TMEM74: variants seen among roughly 807,000 people sequenced by gnomAD.
TMEM74 encodes the protein transmembrane protein 74.
TMEM74 carries 13 observed loss-of-function variants against 18.1 expected under a neutral mutation model. The observed-to-expected ratio is 0.72, with a 90% CI of 0.47 to 1.14. The LOEUF (loss-of-function observed/expected upper bound fraction) is 1.14. Among genes scored for constraint, TMEM74 ranks in the 50% most tolerant of loss-of-function variants. The pLI, the probability that TMEM74 is intolerant of heterozygous loss-of-function variation, is 0.00. For synonymous variants in TMEM74, 159 were observed against 146.6 expected (o/e 1.08, Z -0.61); for missense variants, 372 against 375.9 (o/e 0.99, Z 0.09).
intron 1 of TMEM74, among the ~76,000 whole-genome samples, chr8:108,689,265 T>C (rs1813201578): frequency 6.6e-6 from 1 of 152,168 alleles, no homozygotes; most frequent in Non-Finnish European, 1.5e-5. Context: ...AAATACCAAA[T>C]ACAACATGTG....
intron 2 of TMEM74, among the ~76,000 whole-genome samples, chr8:108,622,299 C>T (rs897279260): frequency 3.3e-5 from 5 of 152,030 alleles, no homozygotes; most frequent in Non-Finnish European, 2.9e-5. Context: ...ATTATCTTAC[C>T]AAGCCTATAG....
intron 1 of TMEM74, among the ~76,000 whole-genome samples, chr8:108,715,277 G>A (rs951781224): frequency 3.9e-5 from 6 of 151,940 alleles, no homozygotes; most frequent in African/African-American, 1.5e-4. Context: ...GGCTACTAGT[G>A]GGAGGAGGGA....
downstream of TMEM74, among the ~76,000 whole-genome samples, chr8:108,777,747 A>C (rs571589531): frequency 3.9e-5 from 6 of 152,278 alleles, no homozygotes; most frequent in South Asian, 1.2e-3. Context: ...CAGTTATTTG[A>C]CATTCTCCAG....
chr8:108,785,130 CG>C lies in TMEM74; in HGVS notation c.-33del. ...TAGTCAGACATCCCCCAGCAGCTTCCGGAAAGTCTGCCAATAGCAACAGAGT... is the reference window on the plus strand; with the variant it reads ...TAGTCAGACATCCCCCAGCAGCTTCCGAAAGTCTGCCAATAGCAACAGAGT... On this transcript the variant is annotated 5_prime_UTR_variant, in exon 2 of 2. Coordinates refer to ENST00000297459, the MANE Select transcript of TMEM74 (RefSeq NM_153015.3). 1 of 1,541,236 alleles carries C rather than the reference CG, an allele frequency of 6.5e-7. No homozygotes were observed. Among genetic ancestry groups the C allele is most frequent in the Non-Finnish European group, 8.7e-7 (1 of 1,148,454 alleles).
chr8:108,686,365 ATT>A (rs11325145), intron 1 of TMEM74, among the ~76,000 whole-genome samples: 1 of 148,084 alleles, frequency 6.8e-6, no homozygotes, highest in African/African-American at 2.5e-5. Context: ...CGCCCGGCTA[ATT>A]TTTTTTTTGT....
chr8:108,643,147 T>A (rs575218935), intron 2 of TMEM74, among the ~76,000 whole-genome samples: 8 of 152,110 alleles, frequency 5.3e-5, no homozygotes, highest in Admixed American at 1.3e-4. Context: ...GCTAGAGAAA[T>A]ACATAGCCTA....
intron 1 of TMEM74, among the ~76,000 whole-genome samples, chr8:108,735,539 C>T (rs916837000): frequency 2.6e-5 from 4 of 152,088 alleles, no homozygotes; most frequent in African/African-American, 7.2e-5. Context: ...TGTATCAGTC[C>T]TTCATTCCTC....
At chr8:108,738,954 C>G (rs944155028) in intron 1 of TMEM74, among the ~76,000 whole-genome samples, 1 of 152,086 alleles carries the variant, frequency 6.6e-6, no homozygotes, top group African/African-American at 2.4e-5. Flanking sequence ...AAAATACTTT[C>G]TGAAGTCACA....
At chr8:108,613,809 A>G (rs535274185) in intron 2 of TMEM74, among the ~76,000 whole-genome samples, 3 of 152,298 alleles carry the variant, frequency 2.0e-5, no homozygotes, top group African/African-American at 7.2e-5. Flanking sequence ...GGACAGTATC[A>G]TGTCCTAATG....
At chr8:108,731,795 G>A (rs1267002364) in intron 1 of TMEM74, among the ~76,000 whole-genome samples, 1 of 151,954 alleles carries the variant, frequency 6.6e-6, no homozygotes, top group Non-Finnish European at 1.5e-5. Context: ...TTATTGTTCT[G>A]TGGAAGAATT....
At chr8:108,748,509 T>G (rs1295089083) in intron 1 of TMEM74, among the ~76,000 whole-genome samples, 4 of 152,102 alleles carry the variant, frequency 2.6e-5, no homozygotes, top group Non-Finnish European at 5.9e-5. Flanking sequence ...TCTCACATTG[T>G]GTAGGTTGTC....
chr8:108,631,593 G>A (rs886358407), intron 2 of TMEM74, among the ~76,000 whole-genome samples: 3 of 151,990 alleles, frequency 2.0e-5, no homozygotes, highest in Admixed American at 6.6e-5. Context: ...ATTGGTTTAA[G>A]TTGCTTAAAG....
downstream of TMEM74, among the ~76,000 whole-genome samples, chr8:108,775,081 CAT>C (rs1814212851): frequency 6.6e-6 from 1 of 152,146 alleles, no homozygotes; most frequent in Non-Finnish European, 1.5e-5. Flanking sequence ...TCACATAAAA[CAT>C]ATACTAATGG....
At chr8:108,670,036 A>G (rs1034178382) in intron 1 of TMEM74, among the ~76,000 whole-genome samples, 6 of 34,814 alleles carry the variant, frequency 1.7e-4, no homozygotes, top group Middle Eastern at 0.014. Context: ...AGATTCTGTG[A>G]AAAAAAAAAA....
At chr8:108,749,235 C>T (rs1322209669) in intron 1 of TMEM74, among the ~76,000 whole-genome samples, 1 of 151,990 alleles carries the variant, frequency 6.6e-6, no homozygotes, top group Non-Finnish European at 1.5e-5. Context: ...CTCTAAATTG[C>T]TTTGGGCAGT....
intron 1 of TMEM74, among the ~76,000 whole-genome samples, chr8:108,680,327 T>G (rs1813099514): frequency 6.6e-6 from 1 of 152,210 alleles, no homozygotes; most frequent in African/African-American, 2.4e-5. Context: ...CATGATCAAG[T>G]GGGCTTCATC....
intron 2 of TMEM74, among the ~76,000 whole-genome samples, chr8:108,647,877 A>G (rs1365341105): frequency 1.3e-5 from 2 of 152,126 alleles, no homozygotes; most frequent in African/African-American, 4.8e-5. Context: ...CACCAGGAAC[A>G]CTATGGGGTT....
At position 108,669,355 on chromosome 8, in the gene TMEM74, C is replaced by T. The variant is rs533082327; in HGVS notation, n.120-13918G>A. Among the ~76,000 whole-genome samples the T allele has an allele frequency of 3.3e-5, 5 of 152,230 alleles. No individual in the cohort carries two copies. The South Asian group carries it at 6.2e-4, about 19-fold the overall frequency. On this transcript the variant is annotated intron_variant and non_coding_transcript_variant, in intron 1 of 3. Coordinates refer to the TMEM74 transcript ENST00000518838. The stretch of plus-strand genomic sequence containing the variant: ...CACACACAAGTTATCCTGCCGAGCA[C>T]GTTACAATGAAAAGGTCATCATTAG...
intron 1 of TMEM74, among the ~76,000 whole-genome samples, chr8:108,756,372 A>G (rs963338929): frequency 4.6e-5 from 7 of 151,716 alleles, no homozygotes; most frequent in Non-Finnish European, 8.8e-5. Context: ...ACTTAAAAAT[A>G]GAAGGTACTA....
Sources: allele counts gnomAD v4.1 joint callset (sites outside exome capture counted in the v4.1 genomes callset), GRCh38; gene constraint gnomAD v4.1.1; transcripts MANE v1.5; gene names NCBI Gene and HGNC (gene_info 2026-07-23, HGNC 2026-07-21).